SYNE1: variants seen among roughly 807,000 people sequenced by gnomAD.
The protein encoded by SYNE1 is spectrin repeat containing nuclear envelope protein 1, also known as nesprin-1.
SYNE1 carries 616 observed loss-of-function variants against 1,111.0 expected under a neutral mutation model. The observed-to-expected ratio is 0.55, with a 90% CI of 0.52 to 0.59. The LOEUF (loss-of-function observed/expected upper bound fraction) is 0.59. SYNE1 is among the 20% of genes least tolerant of loss of function. The probability of loss-of-function intolerance (pLI) is 0.00; values close to 1 mark genes in which losing one functional copy is unlikely to be tolerated. For missense variants in SYNE1, 10,006 were observed against 10,417.0 expected (o/e 0.96, Z 1.72); for synonymous variants, 3,855 against 3,825.8 (o/e 1.01, Z -0.28).
chr6:152,196,101 T>TA (rs35375724), intron 127 of SYNE1, among the ~76,000 whole-genome samples: 9,688 of 152,250 alleles, frequency 0.064, 370 homozygotes, highest in Middle Eastern at 0.14. Context: ...TGCTGATGTT[T>TA]ACATTAGGCC....
intron 117 of SYNE1, among the ~76,000 whole-genome samples, chr6:152,223,042 T>A (rs1463907020): frequency 6.6e-6 from 1 of 152,118 alleles, no homozygotes; most frequent in Non-Finnish European, 1.5e-5. Flanking sequence ...GCTACAAAAA[T>A]CGAGTACTGT....
intron 123 of SYNE1, among the ~76,000 whole-genome samples, chr6:152,213,314 A>T (rs2077895021): frequency 6.6e-6 from 1 of 152,172 alleles, no homozygotes; most frequent in South Asian, 2.1e-4. Flanking sequence ...CTATCTATAC[A>T]CGTTCCACCA....
rs199929752 is a variant in SYNE1 at position 152,387,198 on chromosome 6, C to T, written c.8361G>A (p.Thr2787=). The T allele has an allele frequency of 4.6e-5, 74 of 1,614,120 alleles. No homozygotes were observed. Among genetic ancestry groups the T allele is most frequent in the Non-Finnish European group, 5.4e-5 (64 of 1,180,000 alleles). The change falls in exon 54 of 146, where the codon ACG becomes ACA. Residue 2787 remains threonine (T), a synonymous_variant. Coordinates refer to ENST00000367255, the MANE Select transcript of SYNE1 (RefSeq NM_182961.4). The part of the protein sequence containing the change: ...QSILSEAEDH[T]RALHRLIAKS... ...TCGCAATTAGACGGTGAAGGGCTCTCGTGTGATCTTCTGCCTCAGACAGGA... is the reference window on the plus strand; with the variant it reads ...TCGCAATTAGACGGTGAAGGGCTCTTGTGTGATCTTCTGCCTCAGACAGGA...
At position 152,173,696 on chromosome 6, in the gene SYNE1, T is replaced by C. The variant is rs145117858; in HGVS notation, c.23627+2698A>G. Among the ~76,000 whole-genome samples the C allele has an allele frequency of 1.3e-3, 199 of 152,292 alleles. 5 individuals are homozygous for C. The South Asian group carries it at 0.032, about 24-fold the overall frequency. On this transcript the variant is annotated intron_variant, in intron 130 of 145. Coordinates refer to ENST00000367255, the MANE Select transcript of SYNE1 (RefSeq NM_182961.4). ...AACTCCAGGATGGCTCAATGATCAGTGCCTAATCTAGTCTAATTTGGAAGG... is the reference window on the plus strand; with the variant it reads ...AACTCCAGGATGGCTCAATGATCAGCGCCTAATCTAGTCTAATTTGGAAGG...
At position 152,391,585 on chromosome 6, in the gene SYNE1, A is replaced by G. The variant is rs1299414820; in HGVS notation, c.7713-17T>C. The stretch of plus-strand genomic sequence containing the variant: ...AGAGACTCTCTGAAAAAAAGGAAAA[A>G]AAAAAAAAAGAAAAAAAATTAATTC... On this transcript the variant is annotated splice_polypyrimidine_tract_variant and intron_variant, in intron 51 of 145. Coordinates refer to ENST00000367255, the MANE Select transcript of SYNE1 (RefSeq NM_182961.4). The G allele has an allele frequency of 1.9e-6, 3 of 1,565,974 alleles. No individual in the cohort carries two copies. Among genetic ancestry groups the G allele is most frequent in the African/African-American group, 1.5e-5 (1 of 68,320 alleles).
At chr6:152,262,244 A>G in intron 100 of SYNE1, 56 bp from the exon 101 acceptor site, 1 of 1,527,066 alleles carries the variant, frequency 6.5e-7, no homozygotes, top group South Asian at 1.1e-5. Context: ...GTGATAAGAC[A>G]GGTAACTTAT....
chr6:152,265,207 G>GAAAAAAAA (rs36042696), intron 100 of SYNE1, among the ~76,000 whole-genome samples: 1 of 87,896 alleles, frequency 1.1e-5, no homozygotes, highest in Non-Finnish European at 2.1e-5. Context: ...CTCTGTCTCA[G>GAAAAAAAA]AAAAAAAAAA....
rs377095831 is a variant in SYNE1, at chr6:152,353,430, G to C, written c.11086C>G (p.Gln3696Glu). Residue 3696 changes from glutamine (Q) to glutamate (E), a missense_variant, in exon 69 of 146, where the codon CAA becomes GAA. Around this residue, in one of 7 missense-constraint regions of SYNE1, gnomAD observed 4,955 missense variants for 5,017.2 expected, o/e 0.99. Transcript: ENST00000367255. ...ATCTCCTCCTCCAGGAATTTTATTT[G>C]TTCCTATGAAAGAAAAGAGAAAATT... ...YQALLLQVLE[Q>E]IKFLEEEIQS... The C allele has an allele frequency of 1.1e-5, 17 of 1,614,024 alleles. No homozygotes were observed. The African/African-American group carries it at 1.2e-4, about 11-fold the overall frequency.
At chr6:152,589,804 G>A (rs17701297) in intron 3 of SYNE1, among the ~76,000 whole-genome samples, 25,374 of 151,918 alleles carry the variant, frequency 0.17, 2,323 homozygotes, top group Admixed American at 0.24. Context: ...AACCTTAGCT[G>A]GATCCATTTT....
intron 3 of SYNE1, among the ~76,000 whole-genome samples, 182 bp from the exon 4 acceptor site, chr6:152,540,203 C>A (rs2099262763): frequency 6.8e-6 from 1 of 148,036 alleles, no homozygotes; most frequent in African/African-American, 2.7e-5. Context: ...ATAGACTATT[C>A]CTTTAAAAAT....
At chr6:152,216,286 G>C (rs1238556076) in intron 121 of SYNE1, among the ~76,000 whole-genome samples, 1 of 152,128 alleles carries the variant, frequency 6.6e-6, no homozygotes, top group Non-Finnish European at 1.5e-5. Context: ...CACTTACAGG[G>C]AATAAGATAC....
intron 123 of SYNE1, among the ~76,000 whole-genome samples, chr6:152,212,672 TTACTC>T (rs1264892373): frequency 6.6e-6 from 1 of 152,162 alleles, no homozygotes; most frequent in Non-Finnish European, 1.5e-5. Flanking sequence ...GGTTATATGA[TTACTC>T]TACGTAACTC....
Position 152,164,325 on chromosome 6 carries a change from C to T in SYNE1, c.23628G>A (p.Arg7876=), listed in dbSNP as rs1007407626. ...CCAGGGTCTCCTTCAGCTTCTTCAC[C>T]CTGTGGGCAGAGAAGGGGGAATGTC... is the stretch of plus-strand genomic sequence containing the variant. ...WQHLLDLIAA[R]VKKLKETLVA... is the part of the protein sequence containing the mutation. Residue 7876 remains arginine (R), a splice_region_variant and synonymous_variant, in exon 131 of 146, where the codon AGG becomes AGA. Coordinates refer to ENST00000367255, the MANE Select transcript of SYNE1 (RefSeq NM_182961.4). The T allele has an allele frequency of 1.2e-6, 2 of 1,613,964 alleles. No homozygotes were observed. The highest frequency in any genetic ancestry group is 2.7e-5 in the African/African-American group (2 of 74,896).
intron 9 of SYNE1, among the ~76,000 whole-genome samples, chr6:152,503,651 T>A (rs571916924): frequency 1.3e-5 from 2 of 152,282 alleles, no homozygotes; most frequent in East Asian, 3.9e-4. Flanking sequence ...TTCTTTTTGA[T>A]TAGAGGTATA....
At chr6:152,579,105 T>C (rs941286038) in intron 3 of SYNE1, among the ~76,000 whole-genome samples, 2 of 152,210 alleles carry the variant, frequency 1.3e-5, no homozygotes, top group Non-Finnish European at 2.9e-5. Flanking sequence ...TTGTAGAAGA[T>C]TGCATTTTCC....
At chr6:152,377,630 AAAAAAAAAAAATATAT>A (rs1448604108) in intron 56 of SYNE1, among the ~76,000 whole-genome samples, 12 of 97,550 alleles carry the variant, frequency 1.2e-4, no homozygotes, top group African/African-American at 4.9e-4. Context: ...AAAAAAAAAA[AAAAAAAAAAAATATAT>A]ATATATATAT....
chr6:152,355,085 A>C, intron 66 of SYNE1, 109 bp from the exon 67 acceptor site: 1 of 1,230,968 alleles, frequency 8.1e-7, no homozygotes, highest in East Asian at 2.4e-5. Flanking sequence ...CATTAGAAAA[A>C]AATGATTTTA....
intron 41 of SYNE1, among the ~76,000 whole-genome samples, chr6:152,415,189 T>C (rs1313972564): frequency 6.6e-6 from 1 of 152,044 alleles, no homozygotes; most frequent in Non-Finnish European, 1.5e-5. Context: ...AGAAAAAAAA[T>C]TGAAAAGAAG....
chr6:152,169,981 G>T (rs2064772904), intron 130 of SYNE1, among the ~76,000 whole-genome samples: 1 of 151,900 alleles, frequency 6.6e-6, no homozygotes, highest in Admixed American at 6.6e-5. Flanking sequence ...AAATATATTG[G>T]TTATGAATCT....
Sources: allele counts gnomAD v4.1 joint callset (sites outside exome capture counted in the v4.1 genomes callset), GRCh38; gene constraint gnomAD v4.1.1; regional missense constraint gnomAD v4.1.1; transcripts MANE v1.5; gene names NCBI Gene and HGNC (gene_info 2026-07-23, HGNC 2026-07-21).